SNTN: variants seen among roughly 807,000 people sequenced by gnomAD.
SNTN encodes the protein sentan, cilia apical structure protein.
In SNTN, 13 loss-of-function variants were observed where a neutral mutation model predicts 12.3. That is an observed-to-expected ratio of 1.05 (90% CI 0.69 to 1.67). The LOEUF (loss-of-function observed/expected upper bound fraction) is 1.67. SNTN is among the 40% of genes most tolerant of loss of function. The probability of loss-of-function intolerance (pLI) is 0.00; values close to 1 mark genes in which losing one functional copy is unlikely to be tolerated. For missense variants in SNTN, 189 were observed against 169.8 expected, an observed-to-expected ratio of 1.11 and a Z score of -0.63; for synonymous variants, 69 against 58.5, an observed-to-expected ratio of 1.18 and a Z score of -0.82.
At chr3:63,658,122 C>T (rs537710623) in intron 2 of SNTN, among the ~76,000 whole-genome samples, 1 of 152,258 alleles carries the variant, frequency 6.6e-6, no homozygotes, top group African/African-American at 2.4e-5. Context: ...TCACAACTGT[C>T]TTCTTTCAGA....
chr3:63,661,132 TTATTTAGTGTTTAA>T, intron 3 of SNTN, among the ~76,000 whole-genome samples: 1 of 152,358 alleles, frequency 6.6e-6, no homozygotes, highest in East Asian at 1.9e-4. Flanking sequence ...CTATCAATTC[TTATTTAGTGTTTAA>T]TATTTATTCT....
chr3:63,654,728 CA>C, intron 1 of SNTN, 33 bp from the exon 2 acceptor site: 4 of 1,605,126 alleles, frequency 2.5e-6, no homozygotes, highest in Non-Finnish European at 3.4e-6. Context: ...CCCCAACTCC[CA>C]GAATCATTCT....
chr3:63,654,604 GA>G (rs1217709512), intron 1 of SNTN, among the ~76,000 whole-genome samples, 157 bp from the exon 2 acceptor site: 1 of 152,160 alleles, frequency 6.6e-6, no homozygotes, highest in African/African-American at 2.4e-5. Context: ...GTGGCAGGGA[GA>G]AAAAGGATTT....
At chr3:63,662,532 A>G (rs948284580) in intron 3 of SNTN, among the ~76,000 whole-genome samples, 2 of 152,172 alleles carry the variant, frequency 1.3e-5, no homozygotes, top group Non-Finnish European at 2.9e-5. Context: ...ATAAAAGAAG[A>G]CCAATACCTA....
At chr3:63,656,269 A>G (rs1700678956) in intron 2 of SNTN, among the ~76,000 whole-genome samples, 1 of 152,178 alleles carries the variant, frequency 6.6e-6, no homozygotes. Context: ...TCTGAAGTTC[A>G]AAACAGCCCA....
Position 63,664,549 on chromosome 3 carries a change from A to T in SNTN, c.*454A>T, listed in dbSNP as rs1700780174. 1 of 153,010 alleles carries T rather than the reference A, an allele frequency of 6.5e-6. No homozygotes were observed. The highest frequency in any genetic ancestry group is 2.4e-5 in the African/African-American group (1 of 41,430). The allele number at this position is 153,010 out of a possible 1,614,324, so 9.5% of individuals were successfully genotyped here. ...ACAATTTTTAAATAATTGCATACAC[A>T]GTATAATTAGAATTGAAATAAGGGC... On this transcript the variant is annotated 3_prime_UTR_variant, in exon 4 of 4. Transcript: ENST00000343837.
At chr3:63,653,172 T>C (rs1700639000) in intron 1 of SNTN, among the ~76,000 whole-genome samples, 1 of 152,220 alleles carries the variant, frequency 6.6e-6, no homozygotes, top group African/African-American at 2.4e-5. Flanking sequence ...TCTCATATAA[T>C]TTCATTTAGG....
chr3:63,659,292 C>A (rs1046162501), intron 2 of SNTN, among the ~76,000 whole-genome samples: 1 of 152,154 alleles, frequency 6.6e-6, no homozygotes, highest in Admixed American at 6.6e-5. Context: ...CATACTGACA[C>A]GAAGTGATGC....
intron 3 of SNTN, among the ~76,000 whole-genome samples, chr3:63,660,248 C>T (rs1326820949): frequency 1.3e-5 from 2 of 151,980 alleles, no homozygotes; most frequent in Non-Finnish European, 2.9e-5. Flanking sequence ...GATGGCGTTC[C>T]AAGCAGAGAT....
chr3:63,664,367 A>C lies in SNTN; in HGVS notation c.*272A>C. 3.2e-6 allele frequency: 1 copy of C among 308,642 alleles called. No individual in the cohort carries two copies. Among genetic ancestry groups the C allele is most frequent in the Non-Finnish European group, 6.0e-6 (1 of 167,226 alleles). The allele number at this position is 308,642 out of a possible 1,614,324, so 19.1% of individuals were successfully genotyped here. ...TTTTGCTGAGTCAGTAGCGACCTAGAGCACTCTACTTATAGTCATTGAGTC... is the reference window on the plus strand; with the variant it reads ...TTTTGCTGAGTCAGTAGCGACCTAGCGCACTCTACTTATAGTCATTGAGTC... On this transcript the variant is annotated 3_prime_UTR_variant, in exon 4 of 4. Transcript: ENST00000343837.
At chr3:63,656,651 T>G (rs1232622840) in intron 2 of SNTN, among the ~76,000 whole-genome samples, 1 of 152,216 alleles carries the variant, frequency 6.6e-6, no homozygotes, top group Non-Finnish European at 1.5e-5. Context: ...AAATTATGAT[T>G]GTGGCTCAAA....
chr3:63,660,067 A>T (rs576468479), intron 3 of SNTN, among the ~76,000 whole-genome samples: 1 of 152,290 alleles, frequency 6.6e-6, no homozygotes, highest in East Asian at 1.9e-4. Flanking sequence ...GAAATACACT[A>T]AAAAAGTAAT....
intron 1 of SNTN, among the ~76,000 whole-genome samples, chr3:63,654,134 T>C (rs1158144): frequency 0.17 from 25,669 of 152,204 alleles, 2,219 homozygotes; most frequent in African/African-American, 0.2. Context: ...ACCTGCCTAG[T>C]AACTGTCTTC....
chr3:63,653,334 T>A (rs936569112), intron 1 of SNTN, among the ~76,000 whole-genome samples: 1 of 151,868 alleles, frequency 6.6e-6, no homozygotes, highest in Non-Finnish European at 1.5e-5. Context: ...ATCATGGCAA[T>A]AGAAAGAAAT....
At chr3:63,655,972 TGG>T (rs1700675247) in intron 2 of SNTN, among the ~76,000 whole-genome samples, 1 of 152,158 alleles carries the variant, frequency 6.6e-6, no homozygotes. Flanking sequence ...TGAGAAGCAC[TGG>T]GAAAATTACT....
intron 1 of SNTN, among the ~76,000 whole-genome samples, chr3:63,653,182 G>A (rs927954971): frequency 3.9e-5 from 6 of 152,130 alleles, no homozygotes; most frequent in African/African-American, 1.4e-4. Context: ...TTTCATTTAG[G>A]AGACTGGCTT....
At chr3:63,663,619 C>T in intron 3 of SNTN, 1 of 331,010 alleles carries the variant, frequency 3.0e-6, no homozygotes, top group Admixed American at 4.4e-5. Flanking sequence ...ACCACAAGAG[C>T]TGGTTGTTTA....
chr3:63,657,054 G>C (rs1224509506), intron 2 of SNTN, among the ~76,000 whole-genome samples: 2 of 152,170 alleles, frequency 1.3e-5, no homozygotes, highest in African/African-American at 4.8e-5. Flanking sequence ...GTATATTATT[G>C]TCCACCAGAA....
intron 2 of SNTN, among the ~76,000 whole-genome samples, chr3:63,658,424 A>ATG (rs1700707226): frequency 6.8e-6 from 1 of 146,764 alleles, no homozygotes; most frequent in South Asian, 2.2e-4. Context: ...ATATATATAT[A>ATG]TGTAAAATAT....
Sources: allele counts gnomAD v4.1 joint callset (sites outside exome capture counted in the v4.1 genomes callset), GRCh38; gene constraint gnomAD v4.1.1; transcripts MANE v1.5; gene names NCBI Gene and HGNC (gene_info 2026-07-23, HGNC 2026-07-21).